Variants in MAGI1 observed in about 807,000 individuals in gnomAD.
The protein encoded by MAGI1 is membrane associated guanylate kinase, WW and PDZ domain containing 1, also known as membrane-associated guanylate kinase, WW and PDZ domain-containing protein 1.
MAGI1 carries 58 observed loss-of-function variants against 139.9 expected under a neutral mutation model. The observed-to-expected ratio is 0.41, with a 90% CI of 0.34 to 0.52. The LOEUF is 0.52. Ranked by LOEUF, MAGI1 falls within the 20% of genes least tolerant of loss-of-function variation. The pLI is 0.12. For synonymous variants in MAGI1, 812 were observed against 737.9 expected (o/e 1.10, Z -1.63); for missense variants, 1,874 against 1,901.6 (o/e 0.99, Z 0.27).
chr3:65,956,081 T>C (rs912584308), intron 1 of MAGI1, among the ~76,000 whole-genome samples: 1 of 152,154 alleles, frequency 6.6e-6, no homozygotes, highest in African/African-American at 2.4e-5. Flanking sequence ...AACAAGGCAG[T>C]TCCAGAAAGG....
At chr3:65,703,738 C>T (rs17073519) in intron 1 of MAGI1, among the ~76,000 whole-genome samples, 6,897 of 152,220 alleles carry the variant, frequency 0.045, 428 homozygotes, top group East Asian at 0.25. Context: ...ACCTCATTGA[C>T]GGGGATGCCT....
In MAGI1 at chr3:65,660,923, G is replaced by A. The variant is rs546670523; in HGVS notation, c.314-38835C>T. On this transcript the variant is annotated intron_variant, in intron 1 of 22. Transcript: ENST00000402939. The stretch of plus-strand genomic sequence containing the variant: ...AGATAGGTAAAGAAAAATGCATCAC[G>A]TTCAAGCAAAAATACACTCATCAAA... Among the ~76,000 whole-genome samples the A allele has an allele frequency of 7.2e-5, 11 of 152,182 alleles. No homozygotes were observed. The East Asian group carries it at 1.4e-3, about 19-fold the overall frequency.
chr3:65,440,324 A>G (rs561685619), intron 8 of MAGI1, among the ~76,000 whole-genome samples: 1 of 152,120 alleles, frequency 6.6e-6, no homozygotes, highest in Non-Finnish European at 1.5e-5. Flanking sequence ...GGGCAGTTAA[A>G]TACTTCATCT....
chr3:65,537,057 G>C (rs564157295), intron 2 of MAGI1, among the ~76,000 whole-genome samples: 2 of 152,072 alleles, frequency 1.3e-5, no homozygotes, highest in Non-Finnish European at 2.9e-5. Flanking sequence ...GAAGTGTTAC[G>C]GGGGATTGCA....
chr3:66,006,803 A>ATGGTT lies in MAGI1; in HGVS notation c.313+31188_313+31192dup, dbSNP rs553951175. On this transcript the variant is annotated intron_variant, in intron 1 of 22. Coordinates refer to ENST00000402939, the MANE Select transcript of MAGI1 (RefSeq NM_001033057.2). ...TTTAGCGGTCCTCTCTTTGAAGAAC[A>ATGGTT]TGGTTTTGTTTTGTTTTGTTTTGTT... Among the ~76,000 whole-genome samples, 176 of 112,728 alleles carry ATGGTT rather than the reference A, an allele frequency of 1.6e-3. 1 individual carries two copies. In the South Asian group the frequency reaches 0.025, roughly 16 times the overall value. 74.0% of individuals were successfully genotyped at this position (112,728 alleles called of 152,430 possible).
At chr3:65,635,501 A>G (rs2084559697) in intron 1 of MAGI1, among the ~76,000 whole-genome samples, 1 of 152,222 alleles carries the variant, frequency 6.6e-6, no homozygotes, top group African/African-American at 2.4e-5. Context: ...CTCAATGCCT[A>G]CCATATGAAG....
chr3:65,379,201 G>A (rs1942835214), intron 17 of MAGI1, 60 bp downstream of exon 17: 1 of 1,604,514 alleles, frequency 6.2e-7, no homozygotes, highest in Non-Finnish European at 8.5e-7. Flanking sequence ...TCACTCGCAA[G>A]AGAACAAAAA....
chr3:65,994,989 A>C (rs1045823159), intron 1 of MAGI1, among the ~76,000 whole-genome samples: 7 of 152,210 alleles, frequency 4.6e-5, no homozygotes, highest in African/African-American at 1.7e-4. Context: ...ATGGGAAAGA[A>C]ACAAAGGGTT....
chr3:65,765,406 T>A (rs1004805168), intron 1 of MAGI1, among the ~76,000 whole-genome samples: 3 of 152,204 alleles, frequency 2.0e-5, no homozygotes, highest in African/African-American at 7.2e-5. Flanking sequence ...AATGTTCCAC[T>A]GCTTATTAAG....
intron 2 of MAGI1, among the ~76,000 whole-genome samples, chr3:65,595,766 A>G (rs1240391302): frequency 6.8e-6 from 1 of 147,534 alleles, no homozygotes; most frequent in Non-Finnish European, 1.5e-5. Flanking sequence ...GAAAGAAACT[A>G]CATGGGGAAG....
At chr3:65,550,816 C>A (rs1344587141) in intron 2 of MAGI1, among the ~76,000 whole-genome samples, 2 of 148,058 alleles carry the variant, frequency 1.4e-5, no homozygotes, top group Non-Finnish European at 3.0e-5. Flanking sequence ...AAAAAAAATA[C>A]AAAAATTATC....
chr3:65,651,100 T>C (rs1255944301), intron 1 of MAGI1, among the ~76,000 whole-genome samples: 1 of 152,128 alleles, frequency 6.6e-6, no homozygotes, highest in Non-Finnish European at 1.5e-5. Context: ...GCTAATTTAT[T>C]TTATGATAAC....
At chr3:65,501,476 T>A (rs201465100) in intron 2 of MAGI1, among the ~76,000 whole-genome samples, 6,592 of 78,144 alleles carry the variant, frequency 0.084, 180 homozygotes, top group Admixed American at 0.14. Context: ...AAAAAAAAAA[T>A]TTAAACATAT....
intron 1 of MAGI1, among the ~76,000 whole-genome samples, chr3:66,018,125 G>T (rs1280065440): frequency 1.5e-5 from 2 of 135,874 alleles, no homozygotes; most frequent in Admixed American, 1.5e-4. Context: ...GGGGGGGGGG[G>T]TGTCTGCACA....
At chr3:65,941,429 T>C (rs1295124195) in intron 1 of MAGI1, among the ~76,000 whole-genome samples, 8 of 152,188 alleles carry the variant, frequency 5.3e-5, no homozygotes. Flanking sequence ...TGCTCCAAAG[T>C]AGGCTTCCTC....
At chr3:65,478,374 A>G (rs1054437334) in intron 4 of MAGI1, among the ~76,000 whole-genome samples, 16 of 152,138 alleles carry the variant, frequency 1.1e-4, no homozygotes, top group Non-Finnish European at 1.9e-4. Context: ...AGCTCCTTTA[A>G]GGTATTCTGA....
chr3:65,914,631 G>A (rs908613837), intron 1 of MAGI1, among the ~76,000 whole-genome samples: 4 of 152,188 alleles, frequency 2.6e-5, no homozygotes, highest in Non-Finnish European at 5.9e-5. Flanking sequence ...AGAGCTCTGG[G>A]AAGGCCACCA....
intron 10 of MAGI1, among the ~76,000 whole-genome samples, chr3:65,434,882 C>T: frequency 6.6e-6 from 1 of 152,090 alleles, no homozygotes; most frequent in East Asian, 1.9e-4. Context: ...GAGCCTGAAC[C>T]TTCAGACACT....
chr3:65,766,837 C>T (rs190183458), intron 1 of MAGI1, among the ~76,000 whole-genome samples: 5 of 151,680 alleles, frequency 3.3e-5, no homozygotes, highest in African/African-American at 9.7e-5. Flanking sequence ...TGCAGTGAGC[C>T]GAGATCACAC....
Sources: gnomAD v4.1 joint callset for allele counts (sites outside exome capture counted in the v4.1 genomes callset) on GRCh38, gnomAD v4.1.1 for gene constraint, MANE v1.5 for transcripts, NCBI Gene and HGNC (gene_info 2026-07-23, HGNC 2026-07-21) for gene names.